The following REV1 variants were observed in gnomAD, a reference collection of about 807,000 sequenced individuals.
REV1 encodes translesion synthesis protein REV1.
In REV1, 42 loss-of-function variants were observed where a neutral mutation model predicts 137.4. That is an observed-to-expected ratio of 0.31 (90% confidence interval 0.24 to 0.40). REV1 has a LOEUF of 0.40. Among genes scored for constraint, REV1 ranks in the 10% least tolerant of loss-of-function variants. The pLI, the probability that REV1 is intolerant of heterozygous loss-of-function variation, is 1.00. For missense variants in REV1, 1,282 were observed against 1,490.1 expected, an observed-to-expected ratio of 0.86 and a Z score of 2.30; for synonymous variants, 524 against 519.2, an observed-to-expected ratio of 1.01 and a Z score of -0.12.
intron 6 of REV1, among the ~76,000 whole-genome samples, chr2:99,437,401 A>T (rs771662748): frequency 6.6e-6 from 1 of 152,168 alleles, no homozygotes; most frequent in African/African-American, 2.4e-5. Context: ...ATAGTCCTGC[A>T]GCCTAAGAGT....
chr2:99,421,556 T>C lies in REV1; in HGVS notation c.1774A>G (p.Asn592Asp). The change falls in exon 11 of 23, where the codon AAT becomes GAT. Residue 592 changes from asparagine (N) to aspartate (D), a missense_variant. Physicochemically the swap from Asn to Asp is conservative, Grantham distance 23 (BLOSUM62 1). Around this residue, in one of 7 missense-constraint regions of REV1, gnomAD observed 372 missense variants for 482.3 expected, o/e 0.77. Transcript: ENST00000258428. ...TCTTTGATTTCCATACGAACAGCAT[T>C]TGCAAATTCATCAGGAGTAAGTTTG... is the stretch of plus-strand genomic sequence containing the variant. ...ETKLTPDEFA[N>D]AVRMEIKDQT... The C allele has an allele frequency of 4.3e-6, 7 of 1,614,106 alleles. No individual in the cohort carries two copies. Among genetic ancestry groups the C allele is most frequent in the Non-Finnish European group, 5.9e-6 (7 of 1,179,968 alleles).
At chr2:99,464,455 A>G (rs1050335898) in intron 2 of REV1, among the ~76,000 whole-genome samples, 4 of 152,232 alleles carry the variant, frequency 2.6e-5, no homozygotes, top group Admixed American at 1.3e-4. Context: ...GCTTATTTCC[A>G]TAACTCAGAG....
chr2:99,489,244 T>G (rs549755241), intron 1 of REV1, among the ~76,000 whole-genome samples: 1 of 152,264 alleles, frequency 6.6e-6, no homozygotes, highest in South Asian at 2.1e-4. Flanking sequence ...CTTCGGACAT[T>G]CCGACCGGTT....
chr2:99,402,405 A>C (rs1475551870), intron 21 of REV1, 59 bp from the exon 22 acceptor site: 1 of 883,404 alleles, frequency 1.1e-6, no homozygotes, highest in East Asian at 2.6e-5. Flanking sequence ...AAAGTCAGAG[A>C]TCTGCATGGA....
chr2:99,459,288 C>T (rs1004029498), intron 3 of REV1, among the ~76,000 whole-genome samples: 24 of 151,918 alleles, frequency 1.6e-4, no homozygotes, highest in Admixed American at 9.8e-4. Flanking sequence ...CCAGTTGTGA[C>T]ACTGTTTGCA....
At chr2:99,443,643 C>T (rs979653255) in intron 4 of REV1, among the ~76,000 whole-genome samples, 2 of 152,100 alleles carry the variant, frequency 1.3e-5, no homozygotes, top group Non-Finnish European at 2.9e-5. Context: ...AATGCTATAA[C>T]TATTAAATTA....
chr2:99,412,812 G>A lies in REV1; in HGVS notation c.2091C>T (p.Gly697=), dbSNP rs1223768073. ...TGQMLYRFCR[G]LDDRPVRTEK... is the part of the protein sequence containing the mutation. The stretch of plus-strand genomic sequence containing the variant: ...CAGTTCGAACTGGTCTATCATCCAA[G>A]CCACGGCAGAACCTATAAAGCATCT... Residue 697 remains glycine (G), a synonymous_variant, in exon 13 of 23, where the codon GGC becomes GGT. Coordinates refer to ENST00000258428, the MANE Select transcript of REV1 (RefSeq NM_016316.4). The A allele has an allele frequency of 6.2e-7, 1 of 1,614,062 alleles. No homozygotes were observed. Among genetic ancestry groups the A allele is most frequent in the South Asian group, 1.1e-5 (1 of 91,066 alleles).
chr2:99,437,085 TCCTCCCGCCTCAG>T (rs1427039035), intron 6 of REV1, among the ~76,000 whole-genome samples: 1 of 148,706 alleles, frequency 6.7e-6, no homozygotes, highest in Non-Finnish European at 1.5e-5. Context: ...GCTCAAACAA[TCCTCCCGCCTCAG>T]CCTCCCAAGT....
chr2:99,420,363 C>A (rs1678497970), intron 11 of REV1, among the ~76,000 whole-genome samples: 1 of 152,228 alleles, frequency 6.6e-6, no homozygotes, highest in Admixed American at 6.5e-5. Flanking sequence ...AACCTAACCA[C>A]CTCCTGCCCT....
rs1487761826 is a variant in REV1, at chr2:99,402,700, G to A, written c.3485C>T (p.Ala1162Val). ...GGTCTTCACATCATTGAATTCAACA[G>A]CTCCAGCTAGATTGGGTGCTGGAGG... ...VRPPAPNLAG[A>V]VEFNDVKTLL... Residue 1162 changes from alanine (A) to valine (V), a missense_variant, in exon 21 of 23, where the codon GCT becomes GTT. Physicochemically the swap from Ala to Val is moderately conservative, Grantham distance 64. Coordinates refer to ENST00000258428, the MANE Select transcript of REV1 (RefSeq NM_016316.4). 6.2e-7 allele frequency: 1 copy of A among 1,614,070 alleles called. No homozygotes were observed. The highest frequency in any genetic ancestry group is 2.2e-5 in the East Asian group (1 of 44,882).
chr2:99,451,424 A>G, intron 3 of REV1: 1 of 1,303,364 alleles, frequency 7.7e-7, no homozygotes. Flanking sequence ...TACTGGATGA[A>G]GTTAAGAGGG....
intron 4 of REV1, among the ~76,000 whole-genome samples, chr2:99,447,801 C>T (rs921632480): frequency 1.3e-5 from 2 of 151,526 alleles, no homozygotes; most frequent in African/African-American, 4.9e-5. Context: ...CTCACTGGAG[C>T]CTCCCATCTC....
chr2:99,429,549 A>T (rs934892661), intron 9 of REV1, among the ~76,000 whole-genome samples: 1 of 152,182 alleles, frequency 6.6e-6, no homozygotes, highest in African/African-American at 2.4e-5. Flanking sequence ...AAAAAAATCT[A>T]ATTCTTTTAT....
intron 8 of REV1, among the ~76,000 whole-genome samples, chr2:99,432,398 T>C (rs1680231460): frequency 6.6e-6 from 1 of 152,098 alleles, no homozygotes; most frequent in African/African-American, 2.4e-5. Flanking sequence ...AATATTTTTA[T>C]ATTTGGTGCC....
intron 14 of REV1, among the ~76,000 whole-genome samples, chr2:99,409,611 C>T (rs1487396648): frequency 3.3e-5 from 5 of 152,062 alleles, no homozygotes; most frequent in South Asian, 2.1e-4. Context: ...TGGGAGGCTG[C>T]GGTGGGCGGA....
chr2:99,423,252 G>A (rs1195442683), intron 10 of REV1, among the ~76,000 whole-genome samples: 16 of 152,186 alleles, frequency 1.1e-4, no homozygotes, highest in Admixed American at 1.0e-3. Flanking sequence ...AGATACTGGT[G>A]TTCAAATTAA....
In REV1 at chr2:99,418,893, T is replaced by C. The variant is rs905255075; in HGVS notation, c.1886A>G (p.Gln629Arg). The C allele has an allele frequency of 6.2e-7, 1 of 1,612,746 alleles. No homozygotes were observed. Among genetic ancestry groups the C allele is most frequent in the Non-Finnish European group, 8.5e-7 (1 of 1,178,812 alleles). Residue 629 changes from glutamine (Q) to arginine (R), a missense_variant, in exon 12 of 23, where the codon CAG becomes CGG. By Grantham distance (43) the Gln-to-Arg change is conservative (BLOSUM62 1). Around this residue, in one of 7 missense-constraint regions of REV1, gnomAD observed 372 missense variants for 482.3 expected, o/e 0.77. Transcript: ENST00000258428. ...TACTTCTTCTGGTTTTAGGTGGTAC[T>C]GCCCATCTGGTTTTGCTTTTCTAGT... ...MATRKAKPDG[Q>R]YHLKPEEVDD...
chr2:99,421,447 T>C, intron 11 of REV1, 52 bp downstream of exon 11: 1 of 1,524,496 alleles, frequency 6.6e-7, no homozygotes, highest in Non-Finnish European at 8.8e-7. Flanking sequence ...TTAACTGATA[T>C]TCAAGAATCT....
In REV1 at chr2:99,410,842, A is replaced by C. The variant is rs1287938086; in HGVS notation, c.2198T>G (p.Leu733Arg). 2 of 1,594,268 alleles carry C rather than the reference A, an allele frequency of 1.3e-6. No homozygotes were observed. The highest frequency in any genetic ancestry group is 1.7e-6 in the Non-Finnish European group (2 of 1,175,102). Reference sequence around the variant, plus strand: ...TCTTTGAATTTCTTCTGAAAGACTCAGAAGAAAAGCTTCTGCCTCTTTTGG... The same window carrying C: ...TCTTTGAATTTCTTCTGAAAGACTCCGAAGAAAAGCTTCTGCCTCTTTTGG... ...TQPKEAEAFL[L>R]SLSEEIQRRL... The change falls in exon 14 of 23, where the codon CTG (leucine) becomes CGG (arginine). Residue 733 changes from leucine to arginine, a missense_variant. Leu to Arg is a moderately radical substitution (Grantham distance 102). Transcript: ENST00000258428.
Sources: gnomAD v4.1 joint callset for allele counts (sites outside exome capture counted in the v4.1 genomes callset) on GRCh38, gnomAD v4.1.1 for gene constraint, gnomAD v4.1.1 regional missense constraint, MANE v1.5 for transcripts, NCBI Gene and HGNC (gene_info 2026-07-23, HGNC 2026-07-21) for gene names.